The following FAM161B variants were observed in gnomAD, a reference collection of about 807,000 sequenced individuals.
The protein encoded by FAM161B is FAM161 centrosomal protein B, also known as protein FAM161B.
FAM161B carries 46 observed loss-of-function variants against 61.5 expected under a neutral mutation model. That is an observed-to-expected ratio of 0.75 (90% CI 0.59 to 0.96). The LOEUF is 0.96. Among genes scored for constraint, FAM161B ranks in the 40% least tolerant of loss-of-function variants. The probability of loss-of-function intolerance (pLI) is 0.00; values close to 1 mark genes in which losing one functional copy is unlikely to be tolerated. For synonymous variants in FAM161B, 284 were observed against 302.7 expected, an observed-to-expected ratio of 0.94 and a Z score of 0.64; for missense variants, 774 against 800.7, an observed-to-expected ratio of 0.97 and a Z score of 0.40.
At chr14:73,931,730 G>C, downstream of FAM161B, 1 of 604,556 alleles carries the variant, frequency 1.7e-6, no homozygotes, top group Non-Finnish European at 3.0e-6. Flanking sequence ...ACTACCATCT[G>C]ATCAGACAAG....
rs977360236 is a variant in FAM161B at position 73,933,987 on chromosome 14, A to G, written c.*269T>C. 4 of 299,856 alleles carry G rather than the reference A, an allele frequency of 1.3e-5. No individual in the cohort carries two copies. The highest frequency in any genetic ancestry group is 4.7e-5 in the South Asian group (1 of 21,094). 18.6% of individuals were successfully genotyped at this position (299,856 alleles called of 1,614,324 possible). On this transcript the variant is annotated 3_prime_UTR_variant, in exon 9 of 9. Transcript: ENST00000286544. Reference sequence around the variant, plus strand: ...CAGGCACGTGTCATCACGCCCAGCTAATTTTTGTATTTTTAGTAGAGGTGG... The same window carrying G: ...CAGGCACGTGTCATCACGCCCAGCTGATTTTTGTATTTTTAGTAGAGGTGG...
chr14:73,937,417 G>C (rs1275120615), intron 7 of FAM161B, among the ~76,000 whole-genome samples, 185 bp downstream of exon 7: 16 of 152,108 alleles, frequency 1.1e-4, no homozygotes, highest in Admixed American at 1.0e-3. Context: ...GTCCACTCTT[G>C]GATGAAATCA....
At chr14:73,949,945 C>G in intron 1 of FAM161B, 28 bp downstream of exon 1, 3 of 1,612,354 alleles carry the variant, frequency 1.9e-6, no homozygotes, top group Non-Finnish European at 2.5e-6. Context: ...GATTCCTTTC[C>G]CGGGGGCAGT....
rs1456203040 is a variant in FAM161B at position 73,942,564 on chromosome 14, G to T, written c.1077C>A (p.His359Gln). 1 of 1,614,134 alleles carries T rather than the reference G, an allele frequency of 6.2e-7. No individual in the cohort carries two copies. Among genetic ancestry groups the T allele is most frequent in the Non-Finnish European group, 8.5e-7 (1 of 1,180,054 alleles). The part of the protein sequence containing the change: ...RTQQEKLGFL[H>Q]TNFRFQPRVN... ...CCCGAGGCTGGAATCTGAAGTTAGT[G>T]TGCAGAAACCCAAGCTTTTCCTGCT... The change falls in exon 4 of 9, where the codon CAC (histidine) becomes CAA (glutamine). Residue 359 changes from histidine (H) to glutamine (Q), a missense_variant. Transcript: ENST00000286544.
At chr14:73,927,494 C>T (rs577372853), downstream of FAM161B, among the ~76,000 whole-genome samples, 2 of 152,172 alleles carry the variant, frequency 1.3e-5, no homozygotes, top group Non-Finnish European at 2.9e-5. Context: ...CATTATTATT[C>T]GAGCAAGCCA....
intron 3 of FAM161B, among the ~76,000 whole-genome samples, chr14:73,943,088 C>A (rs1031978654): frequency 6.6e-6 from 1 of 152,156 alleles, no homozygotes; most frequent in Non-Finnish European, 1.5e-5. Context: ...GGCCAGTAAC[C>A]TGCTCCTCTC....
intron 8 of FAM161B, 114 bp from the exon 9 acceptor site, chr14:73,934,508 A>G (rs2055954754): frequency 1.0e-6 from 1 of 989,610 alleles, no homozygotes; most frequent in Non-Finnish European, 1.4e-6. Flanking sequence ...CAGCCTGGAC[A>G]GCCCAGCTGA....
chr14:73,936,230 C>T, intron 7 of FAM161B, 142 bp from the exon 8 acceptor site: 2 of 985,748 alleles, frequency 2.0e-6, no homozygotes, highest in East Asian at 5.2e-5. Context: ...AATTATTTAA[C>T]CCTTGTTTTC....
intron 5 of FAM161B, among the ~76,000 whole-genome samples, chr14:73,940,161 C>T (rs1429283117): frequency 6.6e-6 from 1 of 152,198 alleles, no homozygotes; most frequent in Non-Finnish European, 1.5e-5. Flanking sequence ...TGCTGTTACA[C>T]CATGACCTCT....
At chr14:73,940,458 T>G (rs2056008181) in intron 5 of FAM161B, among the ~76,000 whole-genome samples, 1 of 152,196 alleles carries the variant, frequency 6.6e-6, no homozygotes, top group African/African-American at 2.4e-5. Context: ...ATGTTCTCTC[T>G]GTCTGGAACC....
chr14:73,943,768 G>A (rs1054281108), intron 3 of FAM161B, among the ~76,000 whole-genome samples: 4 of 152,126 alleles, frequency 2.6e-5, no homozygotes, highest in African/African-American at 7.2e-5. Context: ...GTATGTATTT[G>A]TCTTTATCTG....
rs1478906930 is a variant in FAM161B, at chr14:73,932,739, C to T, written c.*1517G>A. ...TCCTACGCTCAAGGCATCCTCCCACCTCAGCCTCCTGAATAGCTAGGACTA... is the reference window on the plus strand; with the variant it reads ...TCCTACGCTCAAGGCATCCTCCCACTTCAGCCTCCTGAATAGCTAGGACTA... On this transcript the variant is annotated 3_prime_UTR_variant, in exon 9 of 9. Transcript: ENST00000286544. The T allele has an allele frequency of 3.3e-6, 1 of 306,794 alleles. No homozygotes were observed. The highest frequency in any genetic ancestry group is 9.1e-5 in the East Asian group (1 of 11,038). The allele number at this position is 306,794 out of a possible 1,614,324, so 19.0% of individuals were successfully genotyped here. A position where few individuals can be genotyped will look rare whatever the true frequency, so the allele number is the denominator to read the frequency against.
Position 73,937,712 on chromosome 14 carries a change from C to T in FAM161B, c.1566-11G>A, listed in dbSNP as rs1566673193. ...TTACGGTCATTGTTCCTGGAATTAG[C>T]AAGACTTTTAGAAAGAATTTCATCT... On this transcript the variant is annotated splice_polypyrimidine_tract_variant and intron_variant, in intron 6 of 8. Coordinates refer to ENST00000286544, the MANE Select transcript of FAM161B (RefSeq NM_152445.3). 1 of 1,609,896 alleles carries T rather than the reference C, an allele frequency of 6.2e-7. No individual in the cohort carries two copies. The highest frequency in any genetic ancestry group is 1.1e-5 in the South Asian group (1 of 89,772).
downstream of FAM161B, among the ~76,000 whole-genome samples, chr14:73,929,238 G>A (rs1450481513): frequency 2.0e-5 from 3 of 151,826 alleles, no homozygotes; most frequent in Admixed American, 2.0e-4. Flanking sequence ...TTCTTCACTA[G>A]TTTGGGTCCT....
At chr14:73,938,235 G>T in intron 5 of FAM161B, 123 bp from the exon 6 acceptor site, 1 of 1,083,422 alleles carries the variant, frequency 9.2e-7, no homozygotes, top group Non-Finnish European at 1.3e-6. Context: ...AAGGCAGGTG[G>T]ATCACCTGAG....
downstream of FAM161B, among the ~76,000 whole-genome samples, chr14:73,929,243 G>A (rs41332547): frequency 1.4e-3 from 207 of 151,700 alleles, no homozygotes; most frequent in Non-Finnish European, 2.4e-3. Flanking sequence ...CACTAGTTTG[G>A]GTCCTCCAAT....
rs1295287681 is a variant in FAM161B, at chr14:73,946,267, T to G, written c.374+19A>C. The G allele has an allele frequency of 1.2e-6, 2 of 1,602,676 alleles. No individual in the cohort carries two copies. The highest frequency in any genetic ancestry group is 1.1e-5 in the South Asian group (1 of 90,240). The stretch of plus-strand genomic sequence containing the variant: ...GTGGAGGTGTGGAGTGAGGCAGCCG[T>G]GGAGCTGCAGTGCCTTACCTCAGAG... On this transcript the variant is annotated intron_variant, in intron 2 of 8. Transcript: ENST00000286544.
chr14:73,944,811 G>A lies in FAM161B; in HGVS notation c.449C>T (p.Pro150Leu), dbSNP rs759745003. The change falls in exon 3 of 9, where the codon CCC (proline) becomes CTC (leucine). Residue 150 changes from proline (P) to leucine (L), a missense_variant. Coordinates refer to ENST00000286544, the MANE Select transcript of FAM161B (RefSeq NM_152445.3). ...CTGGGAGGGAGGCCGGGAGCCTGAG[G>A]GTGGCTGGGTCTGAGGCCTGGGAAT... ...SNIPRPQTQPPSGSRPPSQHR... is the reference protein window; with the variant it reads ...SNIPRPQTQPLSGSRPPSQHR... The A allele has an allele frequency of 8.3e-6, 13 of 1,568,984 alleles. No homozygotes were observed. In the East Asian group the frequency reaches 2.9e-4, roughly 35 times the overall value.
At chr14:73,931,062 T>C (rs544241675), downstream of FAM161B, among the ~76,000 whole-genome samples, 151 of 152,330 alleles carry the variant, frequency 9.9e-4, 1 homozygote, top group African/African-American at 3.4e-3. Context: ...AGATCTTTTA[T>C]GAGTGGGTTT....
Sources: allele counts gnomAD v4.1 joint callset (sites outside exome capture counted in the v4.1 genomes callset), GRCh38; gene constraint gnomAD v4.1.1; transcripts MANE v1.5; gene names NCBI Gene and HGNC (gene_info 2026-07-23, HGNC 2026-07-21).